The following ADH6 variants were observed in gnomAD, a reference collection of about 807,000 sequenced individuals.
The protein encoded by ADH6 is alcohol dehydrogenase 6.
A neutral mutation model predicts 36.5 loss-of-function variants in ADH6; 34 were observed. The observed-to-expected ratio is 0.93, with a 90% CI of 0.71 to 1.24. ADH6 has a LOEUF of 1.24. ADH6 is among the 50% of genes most tolerant of loss of function. The pLI is 0.00. For missense variants in ADH6, 440 were observed against 447.0 expected, an observed-to-expected ratio of 0.98 and a Z score of 0.14; for synonymous variants, 161 against 155.5, an observed-to-expected ratio of 1.04 and a Z score of -0.26.
chr4:99,204,359 G>T, intron 8 of ADH6, 116 bp from the exon 9 acceptor site: 1 of 1,465,742 alleles, frequency 6.8e-7, no homozygotes. Flanking sequence ...CTCTTTAGGT[G>T]AAAAATGAGA....
Position 99,210,223 on chromosome 4 carries a change from A to G in ADH6, c.426T>C (p.Gly142=). ...TCKGKSIYHF[G]NTSTFCEYTV... ...TGTATTCACAGAAGGTGCTGGTATT[A>G]CCAAAGTGATATATTGATTTTCCCT... Residue 142 remains glycine, a synonymous_variant, in exon 5 of 9, where the codon GGT becomes GGC. Coordinates refer to ENST00000394899, the MANE Select transcript of ADH6 (RefSeq NM_001102470.2). 6.2e-7 allele frequency: 1 copy of G among 1,613,804 alleles called. No individual in the cohort carries two copies. The highest frequency in any genetic ancestry group is 8.5e-7 in the Non-Finnish European group (1 of 1,179,866).
intron 1 of ADH6, among the ~76,000 whole-genome samples, chr4:99,217,258 G>T (rs924498022): frequency 6.6e-6 from 1 of 152,016 alleles, no homozygotes; most frequent in African/African-American, 2.4e-5. Context: ...GGATGTTCTT[G>T]ATCTCCTGAC....
chr4:99,208,897 C>A lies in ADH6; in HGVS notation c.599G>T (p.Gly200Val). The A allele has an allele frequency of 6.2e-7, 1 of 1,613,618 alleles. No individual in the cohort carries two copies. Among genetic ancestry groups the A allele is most frequent in the Non-Finnish European group, 8.5e-7 (1 of 1,179,708 alleles). ...VTPGSTCAVF[G>V]LGGVGLSVVM... is the part of the protein sequence containing the mutation. ...AACAGACAAGCCGACTCCTCCCAGG[C>A]CAAACACAGCACAGGTAGAACCTGG... Residue 200 changes from glycine to valine, a missense_variant, in exon 6 of 9, where the codon GGC becomes GTC. Physicochemically the swap from Gly to Val is moderately radical, Grantham distance 109 (BLOSUM62 -3). Coordinates refer to ENST00000394899, the MANE Select transcript of ADH6 (RefSeq NM_001102470.2).
At chr4:99,218,382 C>A (rs1252350994) in intron 1 of ADH6, among the ~76,000 whole-genome samples, 2 of 152,182 alleles carry the variant, frequency 1.3e-5, no homozygotes, top group Non-Finnish European at 2.9e-5. Context: ...TTCTCCACTG[C>A]TGCTAGTACT....
chr4:99,216,084 T>C, intron 2 of ADH6, 77 bp downstream of exon 2: 1 of 697,482 alleles, frequency 1.4e-6, no homozygotes. Flanking sequence ...AATATCCGGA[T>C]AAGAATATGT....
intron 1 of ADH6, 64 bp from the exon 2 acceptor site, chr4:99,216,326 A>C: frequency 2.0e-6 from 2 of 983,680 alleles, no homozygotes; most frequent in Non-Finnish European, 3.0e-6. Context: ...GAAGATTGCT[A>C]TATTAGTGAT....
At chr4:99,207,032 G>A (rs992404709) in intron 7 of ADH6, among the ~76,000 whole-genome samples, 2 of 151,896 alleles carry the variant, frequency 1.3e-5, no homozygotes, top group African/African-American at 4.8e-5. Flanking sequence ...TTGGTAGCGT[G>A]ACAACTCATT....
chr4:99,217,983 C>G (rs1421952902), intron 1 of ADH6, among the ~76,000 whole-genome samples: 1 of 152,160 alleles, frequency 6.6e-6, no homozygotes, highest in Admixed American at 6.5e-5. Flanking sequence ...TGATTTCAGG[C>G]CACCACTGTT....
intron 7 of ADH6, among the ~76,000 whole-genome samples, 157 bp from the exon 8 acceptor site, chr4:99,205,220 A>G (rs771840510): frequency 3.3e-5 from 5 of 152,054 alleles, no homozygotes; most frequent in Non-Finnish European, 7.4e-5. Flanking sequence ...TACCCCAACC[A>G]CACACATTAT....
chr4:99,211,679 C>T (rs1315165953), intron 3 of ADH6, among the ~76,000 whole-genome samples: 1 of 152,038 alleles, frequency 6.6e-6, no homozygotes, highest in East Asian at 1.9e-4. Flanking sequence ...ACTGAATTAT[C>T]CAGGTGGACC....
chr4:99,212,727 A>T (rs1212873401), intron 3 of ADH6, among the ~76,000 whole-genome samples: 1 of 151,800 alleles, frequency 6.6e-6, no homozygotes, highest in Admixed American at 6.6e-5. Flanking sequence ...ATATATATAC[A>T]CACACATATA....
At position 99,203,096 on chromosome 4, in the gene ADH6, A is replaced by G. The variant is rs1167026083; in HGVS notation, c.*1123T>C. 1 of 283,354 alleles carries G rather than the reference A, an allele frequency of 3.5e-6. No homozygotes were observed. The highest frequency in any genetic ancestry group is 6.5e-6 in the Non-Finnish European group (1 of 152,898). The allele number at this position is 283,354 out of a possible 1,614,324, so 17.6% of individuals were successfully genotyped here. On this transcript the variant is annotated 3_prime_UTR_variant, in exon 9 of 9. Transcript: ENST00000394899. Reference sequence around the variant, plus strand: ...GAAACTATTTTGTTTAGATCAAAAAATGATATTCCATTTTTTGGTCTCCCA... The same window carrying G: ...GAAACTATTTTGTTTAGATCAAAAAGTGATATTCCATTTTTTGGTCTCCCA...
At chr4:99,216,320 A>T in intron 1 of ADH6, 58 bp from the exon 2 acceptor site, 1 of 1,075,426 alleles carries the variant, frequency 9.3e-7, no homozygotes, top group Non-Finnish European at 1.3e-6. Context: ...GAGTTGGAAG[A>T]TTGCTATATT....
chr4:99,217,304 G>A (rs536439480), intron 1 of ADH6, among the ~76,000 whole-genome samples: 5 of 152,270 alleles, frequency 3.3e-5, no homozygotes, highest in East Asian at 3.9e-4. Context: ...CCAAAGTGCT[G>A]GGATTACAGG....
intron 3 of ADH6, among the ~76,000 whole-genome samples, chr4:99,213,181 T>G (rs1301466788): frequency 3.3e-5 from 5 of 152,222 alleles, no homozygotes; most frequent in Non-Finnish European, 5.9e-5. Context: ...TATTCTTAAG[T>G]TTGAAAGACA....
rs753002875 is a variant in ADH6 at position 99,204,224 on chromosome 4, G to A, written c.1123C>T (p.Leu375Phe). Residue 375 changes from leucine (L) to phenylalanine (F), a missense_variant, in exon 9 of 9, where the codon CTT (leucine) becomes TTT (phenylalanine). Physicochemically the swap from Leu to Phe is conservative, Grantham distance 22 (BLOSUM62 0). Transcript: ENST00000394899. ...TTGCATGTATTACATTGTACTTAAA[G>A]TAACAGGATACAGCGGATACTGAAA... ...TGKCIRCILLL is the reference protein window; with the variant it reads ...TGKCIRCILLF The A allele has an allele frequency of 6.2e-7, 1 of 1,602,610 alleles. No individual in the cohort carries two copies. Among genetic ancestry groups the A allele is most frequent in the South Asian group, 1.1e-5 (1 of 90,166 alleles).
rs1183501126 is a variant in ADH6 at position 99,202,655 on chromosome 4, G to A, written c.*1564C>T. ...CATTCAAAGTGGCTTAAGGAACCGA[G>A]CTTTATTGGAGCAAAGAGTGTGGAC... On this transcript the variant is annotated 3_prime_UTR_variant, in exon 9 of 9. Coordinates refer to ENST00000394899, the MANE Select transcript of ADH6 (RefSeq NM_001102470.2). 3 of 397,526 alleles carry A rather than the reference G, an allele frequency of 7.5e-6. No homozygotes were observed. Among genetic ancestry groups the A allele is most frequent in the Non-Finnish European group, 1.3e-5 (3 of 225,322 alleles). The allele number at this position is 397,526 out of a possible 1,614,324, so 24.6% of individuals were successfully genotyped here. A position where few individuals can be genotyped will look rare whatever the true frequency, so the allele number is the denominator to read the frequency against.
intron 5 of ADH6, among the ~76,000 whole-genome samples, chr4:99,209,778 C>T (rs1228071420): frequency 6.6e-6 from 1 of 152,138 alleles, no homozygotes; most frequent in Non-Finnish European, 1.5e-5. Flanking sequence ...AAAGGATAAA[C>T]TGGAATATGA....
At chr4:99,213,892 G>T in intron 2 of ADH6, 145 bp from the exon 3 acceptor site, 1 of 658,210 alleles carries the variant, frequency 1.5e-6, no homozygotes, top group Non-Finnish European at 2.2e-6. Flanking sequence ...TCTAGGGAAG[G>T]GTCAATAATA....
Sources: allele counts gnomAD v4.1 joint callset (sites outside exome capture counted in the v4.1 genomes callset), GRCh38; gene constraint gnomAD v4.1.1; transcripts MANE v1.5; gene names NCBI Gene and HGNC (gene_info 2026-07-23, HGNC 2026-07-21).